The following PTPN3 variants were observed in gnomAD, a reference collection of about 807,000 sequenced individuals.
PTPN3 encodes the protein tyrosine-protein phosphatase non-receptor type 3.
A neutral mutation model predicts 132.7 loss-of-function variants in PTPN3; 96 were observed. That is an observed-to-expected ratio of 0.72 (90% CI 0.61 to 0.86). The LOEUF (loss-of-function observed/expected upper bound fraction) is 0.86. PTPN3 is among the 40% of genes least tolerant of loss of function. PTPN3 has a pLI of 0.00. For missense variants in PTPN3, 1,125 were observed against 1,159.6 expected, an observed-to-expected ratio of 0.97 and a Z score of 0.43; for synonymous variants, 398 against 429.0, an observed-to-expected ratio of 0.93 and a Z score of 0.89.
At chr9:109,380,944 G>A (rs910358741) in intron 25 of PTPN3, among the ~76,000 whole-genome samples, 8 of 151,978 alleles carry the variant, frequency 5.3e-5, no homozygotes, top group African/African-American at 9.7e-5. Flanking sequence ...TTCCCTCACC[G>A]CTGCTGACAC....
intron 1 of PTPN3, among the ~76,000 whole-genome samples, chr9:109,477,960 C>G (rs1462190771): frequency 6.6e-6 from 1 of 152,216 alleles, no homozygotes; most frequent in African/African-American, 2.4e-5. Flanking sequence ...CTCATGAGGA[C>G]AGTCATGGGG....
At chr9:109,520,057 G>C in the PTPN3 span, among the ~76,000 whole-genome samples, 1 of 151,968 alleles carries the variant, frequency 6.6e-6, no homozygotes, top group South Asian at 2.1e-4. Context: ...TACTCAGGAG[G>C]CTGAGGCAGG....
At chr9:109,386,620 A>G (rs972175639) in intron 22 of PTPN3, among the ~76,000 whole-genome samples, 3 of 152,160 alleles carry the variant, frequency 2.0e-5, no homozygotes, top group African/African-American at 4.8e-5. Flanking sequence ...TTGGCAAGGC[A>G]AGGATGGATC....
chr9:109,473,643 C>T (rs1392370029), intron 1 of PTPN3, among the ~76,000 whole-genome samples: 1 of 152,148 alleles, frequency 6.6e-6, no homozygotes, highest in African/African-American at 2.4e-5. Flanking sequence ...TGATGAGAAG[C>T]TAGTAACTAA....
chr9:109,510,261 C>T, the PTPN3 span, among the ~76,000 whole-genome samples: 1 of 151,922 alleles, frequency 6.6e-6, no homozygotes. Context: ...CTGATAATTG[C>T]CAAAAAATAT....
In PTPN3 at chr9:109,436,874, A is replaced by C; in HGVS notation, c.675+9T>G. ...AATGTTTGAGCCAAGACATAACAAG[A>C]ATACATACCCTACCACTGTGCAGTT... On this transcript the variant is annotated intron_variant, in intron 9 of 25. Transcript: ENST00000374541. 1 of 1,609,072 alleles carries C rather than the reference A, an allele frequency of 6.2e-7. No individual in the cohort carries two copies.
intron 10 of PTPN3, chr9:109,428,891 G>A (rs527556824): frequency 1.0e-6 from 1 of 985,418 alleles, no homozygotes; most frequent in African/African-American, 1.7e-5. Flanking sequence ...CACTGCGTAA[G>A]GGCCACTGGA....
At chr9:109,395,517 T>C (rs1176307780) in intron 19 of PTPN3, among the ~76,000 whole-genome samples, 1 of 152,004 alleles carries the variant, frequency 6.6e-6, no homozygotes, top group Non-Finnish European at 1.5e-5. Context: ...CTGGGCACAG[T>C]GGCTCATGCC....
At position 109,410,294 on chromosome 9, in the gene PTPN3, C is replaced by G. The variant is rs772651505; in HGVS notation, c.1435G>C (p.Asp479His). The G allele has an allele frequency of 1.5e-5, 25 of 1,614,192 alleles. No homozygotes were observed. The highest frequency in any genetic ancestry group is 2.1e-5 in the Non-Finnish European group (25 of 1,180,044). Residue 479 changes from aspartate (D) to histidine (H), a missense_variant, in exon 15 of 26, where the codon GAT (aspartate) becomes CAT (histidine). By Grantham distance (81) the Asp-to-His change is moderately conservative (BLOSUM62 -1). Coordinates refer to ENST00000374541, the MANE Select transcript of PTPN3 (RefSeq NM_002829.4). The part of the protein sequence containing the change: ...SPDGVDQQLL[D>H]DFHRVTKGGS... ...CCTTTGGTCACCCTGTGGAAGTCAT[C>G]TAAGAGCTGCTGATCAACGCCGTCA...
chr9:109,478,487 CAGAAAAGGAAGAGG>C (rs1312549601), intron 1 of PTPN3, among the ~76,000 whole-genome samples: 1 of 152,032 alleles, frequency 6.6e-6, no homozygotes, highest in Non-Finnish European at 1.5e-5. Flanking sequence ...ACAGTAAACC[CAGAAAAGGAAGAGG>C]AAGCATGTGA....
At chr9:109,423,164 G>A (rs1246914926) in intron 12 of PTPN3, among the ~76,000 whole-genome samples, 1 of 152,224 alleles carries the variant, frequency 6.6e-6, no homozygotes, top group African/African-American at 2.4e-5. Context: ...CAGCTCCAGT[G>A]ATTTCAAGGA....
chr9:109,435,409 G>A (rs1475623994), intron 9 of PTPN3, among the ~76,000 whole-genome samples: 1 of 152,154 alleles, frequency 6.6e-6, no homozygotes, highest in Non-Finnish European at 1.5e-5. Flanking sequence ...GTTCCCTTGT[G>A]ACAAACATGG....
chr9:109,504,406 C>G, the PTPN3 span, among the ~76,000 whole-genome samples: 5 of 152,192 alleles, frequency 3.3e-5, no homozygotes, highest in African/African-American at 1.2e-4. Context: ...AAAGTAAATT[C>G]TTTCCCTTGG....
chr9:109,432,922 C>A, intron 10 of PTPN3, 151 bp downstream of exon 10: 1 of 1,353,966 alleles, frequency 7.4e-7, no homozygotes, highest in Non-Finnish European at 9.7e-7. Flanking sequence ...AGTACCAAAT[C>A]TGGACCAAAT....
chr9:109,532,919 TG>T, the PTPN3 span: 1 of 982,722 alleles, frequency 1.0e-6, no homozygotes, highest in Non-Finnish European at 1.4e-6. Flanking sequence ...TTTGCCACCT[TG>T]TGGTTTAGGG....
chr9:109,510,507 G>T, the PTPN3 span, among the ~76,000 whole-genome samples: 6 of 145,960 alleles, frequency 4.1e-5, no homozygotes, highest in African/African-American at 1.5e-4. Context: ...GCATTGAGCC[G>T]AGATTGCGCC....
the PTPN3 span, chr9:109,534,340 G>A: frequency 6.6e-7 from 1 of 1,513,674 alleles, no homozygotes. Flanking sequence ...CAAGGTTGTG[G>A]TGATGGTGAC....
At position 109,383,449 on chromosome 9, in the gene PTPN3, G is replaced by A. The variant is rs770792229; in HGVS notation, c.2356C>T (p.Arg786Ter). 6.2e-6 allele frequency: 10 copies of A among 1,613,996 alleles called. No homozygotes were observed. Among genetic ancestry groups the A allele is most frequent in the East Asian group, 2.2e-5 (1 of 44,856 alleles). ...TGGGTGTTTGTGACCAGCATTTCTC[G>A]GGACACATAGGCGATGGTGCAGTCC... is the stretch of plus-strand genomic sequence containing the variant. Reference protein sequence around the residue: ...SEDCTIAYVSREMLVTNTQTG... With the variant: ...SEDCTIAYVS Residue 786 changes from arginine (R) to a stop codon, truncating the protein, a stop_gained, in exon 23 of 26, where the codon CGA becomes TGA. Transcript: ENST00000374541. LOFTEE classifies it high-confidence loss of function.
chr9:109,499,544 C>T (rs1016661145), upstream of PTPN3, among the ~76,000 whole-genome samples: 1 of 150,574 alleles, frequency 6.6e-6, no homozygotes, highest in Non-Finnish European at 1.5e-5. Context: ...CTCTGCTTGT[C>T]TTTACTGCAG....
Sources: gnomAD v4.1 joint callset for allele counts (sites outside exome capture counted in the v4.1 genomes callset) on GRCh38, gnomAD v4.1.1 for gene constraint, MANE v1.5 for transcripts, NCBI Gene and HGNC (gene_info 2026-07-23, HGNC 2026-07-21) for gene names.